Variants in DCDC1 observed in about 807,000 individuals in gnomAD.
DCDC1 encodes doublecortin domain-containing protein 1.
Under a neutral mutation model 178.3 loss-of-function variants are expected in DCDC1, and 200 were observed. The ratio of observed to expected loss-of-function variants is 1.12; its 90% CI spans 1.00 to 1.26. The LOEUF is 1.26. Ranked by LOEUF, DCDC1 falls within the 50% of genes most tolerant of loss-of-function variation. The pLI is 0.00. For missense variants in DCDC1, 1,983 were observed against 1,749.2 expected, an observed-to-expected ratio of 1.13 and a Z score of -2.38; for synonymous variants, 690 against 604.8, an observed-to-expected ratio of 1.14 and a Z score of -2.07.
chr11:31,025,348 C>CT (rs1953152435), intron 20 of DCDC1, among the ~76,000 whole-genome samples: 1 of 151,840 alleles, frequency 6.6e-6, no homozygotes, highest in African/African-American at 2.4e-5. Flanking sequence ...TCTAAAATAA[C>CT]TTTTTTCTAT....
At chr11:31,293,897 C>T (rs1009289365) in intron 6 of DCDC1, among the ~76,000 whole-genome samples, 2 of 152,124 alleles carry the variant, frequency 1.3e-5, no homozygotes, top group African/African-American at 4.8e-5. Context: ...ATGTCTAAAG[C>T]AAAATTTCAT....
At chr11:31,017,562 C>T (rs1050334173) in intron 20 of DCDC1, among the ~76,000 whole-genome samples, 31 of 150,922 alleles carry the variant, frequency 2.1e-4, no homozygotes, top group African/African-American at 7.3e-4. Context: ...AAAAAAAAAA[C>T]CTATCTGTTT....
chr11:31,264,239 G>A (rs982216664), intron 8 of DCDC1, among the ~76,000 whole-genome samples: 2 of 152,158 alleles, frequency 1.3e-5, no homozygotes, highest in Non-Finnish European at 2.9e-5. Context: ...AACAGATCAT[G>A]TAGGAGAGTG....
chr11:30,931,473 C>A (rs1946917289), intron 22 of DCDC1, among the ~76,000 whole-genome samples: 1 of 151,910 alleles, frequency 6.6e-6, no homozygotes, highest in East Asian at 1.9e-4. Flanking sequence ...TTATAAAACT[C>A]AAACAAAAAT....
intron 14 of DCDC1, 24 bp from the exon 15 acceptor site, chr11:31,102,306 T>C: frequency 3.1e-6 from 2 of 651,034 alleles, no homozygotes; most frequent in Non-Finnish European, 5.7e-6. Context: ...AATACGTAAT[T>C]ATTTTTATTA....
chr11:31,260,349 A>G (rs1171499155), intron 8 of DCDC1, among the ~76,000 whole-genome samples: 1 of 152,232 alleles, frequency 6.6e-6, no homozygotes, highest in Non-Finnish European at 1.5e-5. Context: ...ACAAAAGTTG[A>G]TAATGGGCAA....
intron 17 of DCDC1, among the ~76,000 whole-genome samples, chr11:31,083,932 C>T (rs1007030670): frequency 2.0e-5 from 3 of 152,110 alleles, no homozygotes; most frequent in Non-Finnish European, 2.9e-5. Context: ...AAAATAACTT[C>T]GATTCAACTA....
rs763762331 is a variant in DCDC1 at position 31,094,087 on chromosome 11, A to C, written c.2081T>G (p.Ile694Ser). ...CCACACACTGGCTACAGGCCACAGG[A>C]TCGATGGCGCTATTTGACTCCTGCT... ...ASSRSQIAPS[I>S]LWPVASVWLI... is the part of the protein sequence containing the mutation. Residue 694 changes from isoleucine to serine, a missense_variant, in exon 16 of 39, where the codon ATC becomes AGC. Coordinates refer to ENST00000684477, the MANE Select transcript of DCDC1 (RefSeq NM_001387274.1). 1.3e-6 allele frequency: 1 copy of C among 766,296 alleles called. No homozygotes were observed. Among genetic ancestry groups the C allele is most frequent in the Non-Finnish European group, 2.4e-6 (1 of 417,816 alleles). 47.5% of individuals were successfully genotyped at this position (766,296 alleles called of 1,614,324 possible).
chr11:31,345,071 C>T (rs1055004411), intron 1 of DCDC1, among the ~76,000 whole-genome samples: 2 of 151,950 alleles, frequency 1.3e-5, no homozygotes, highest in Admixed American at 1.3e-4. Context: ...TGAATAATTG[C>T]ATGCTACCAA....
intron 21 of DCDC1, among the ~76,000 whole-genome samples, chr11:30,949,556 G>C (rs1261207955): frequency 6.6e-6 from 1 of 152,112 alleles, no homozygotes; most frequent in African/African-American, 2.4e-5. Context: ...ACATGCACAT[G>C]TATGCTTATT....
At chr11:31,339,804 T>C (rs1950452109) in intron 1 of DCDC1, among the ~76,000 whole-genome samples, 1 of 152,228 alleles carries the variant, frequency 6.6e-6, no homozygotes, top group Admixed American at 6.5e-5. Flanking sequence ...TCAATGTTAA[T>C]TCTTTCTATC....
intron 20 of DCDC1, among the ~76,000 whole-genome samples, chr11:31,000,882 A>C (rs1257113962): frequency 6.6e-6 from 1 of 152,126 alleles, no homozygotes; most frequent in Non-Finnish European, 1.5e-5. Flanking sequence ...AGTCCCATAT[A>C]CCCTTCACCC....
At chr11:30,946,887 C>G (rs889616046) in intron 21 of DCDC1, among the ~76,000 whole-genome samples, 3 of 152,144 alleles carry the variant, frequency 2.0e-5, no homozygotes, top group African/African-American at 7.2e-5. Flanking sequence ...AGGAAGGGCT[C>G]AGGACACATA....
At chr11:31,364,189 A>G (rs75894310) in intron 1 of DCDC1, among the ~76,000 whole-genome samples, 52 of 152,324 alleles carry the variant, frequency 3.4e-4, no homozygotes, top group African/African-American at 1.2e-3. Flanking sequence ...GTATTAAGGC[A>G]CTAATAATAT....
chr11:31,230,200 T>C (rs1975586597), intron 9 of DCDC1, among the ~76,000 whole-genome samples: 1 of 152,090 alleles, frequency 6.6e-6, no homozygotes, highest in Admixed American at 6.6e-5. Context: ...TGCATTTCTA[T>C]ATACTAAGAA....
chr11:31,081,477 G>A (rs955740700), intron 17 of DCDC1, among the ~76,000 whole-genome samples: 2 of 152,052 alleles, frequency 1.3e-5, no homozygotes, highest in African/African-American at 4.8e-5. Flanking sequence ...GGGTGTGGTG[G>A]CACATGCCCG....
At chr11:31,307,477 T>G (rs572207405) in intron 4 of DCDC1, 162 bp downstream of exon 4, 1 of 853,800 alleles carries the variant, frequency 1.2e-6, no homozygotes, top group African/African-American at 1.7e-5. Context: ...TTAACAACAT[T>G]CTACTCTGGT....
intron 9 of DCDC1, among the ~76,000 whole-genome samples, chr11:31,177,746 T>C (rs909854136): frequency 6.6e-6 from 1 of 152,102 alleles, no homozygotes; most frequent in Non-Finnish European, 1.5e-5. Flanking sequence ...ATAAGATAGA[T>C]TTTAAGTCAA....
intron 9 of DCDC1, among the ~76,000 whole-genome samples, chr11:31,239,580 A>C (rs1003157250): frequency 6.6e-6 from 1 of 151,980 alleles, no homozygotes; most frequent in Admixed American, 6.6e-5. Context: ...AATAAAACTT[A>C]AGTATCATAT....
Sources: allele counts gnomAD v4.1 joint callset (sites outside exome capture counted in the v4.1 genomes callset), GRCh38; gene constraint gnomAD v4.1.1; transcripts MANE v1.5; gene names NCBI Gene and HGNC (gene_info 2026-07-23, HGNC 2026-07-21).